Variants in SLC71A1 observed in about 807,000 individuals in gnomAD.
SLC71A1 encodes the protein hippocampus abundant gene transcript 1.
chr1:100,045,847 C>T, the SLC71A1 span, among the ~76,000 whole-genome samples: 1 of 151,928 alleles, frequency 6.6e-6, no homozygotes, highest in African/African-American at 2.4e-5. Flanking sequence ...TCTGTTCAGA[C>T]TAATGTCCTA....
the SLC71A1 span, among the ~76,000 whole-genome samples, chr1:100,053,957 T>G: frequency 6.6e-6 from 1 of 151,662 alleles, no homozygotes; most frequent in Admixed American, 6.5e-5. Flanking sequence ...TTATGTAACA[T>G]ATTAGCTAAG....
At chr1:100,056,380 C>T in the SLC71A1 span, among the ~76,000 whole-genome samples, 1 of 152,182 alleles carries the variant, frequency 6.6e-6, no homozygotes, top group African/African-American at 2.4e-5. Context: ...AATACATTTT[C>T]TTTATCCTTT....
At chr1:100,059,850 A>T in the SLC71A1 span, 3 of 1,577,164 alleles carry the variant, frequency 1.9e-6, no homozygotes, top group Non-Finnish European at 8.6e-7. Flanking sequence ...GATGTGTGGT[A>T]TTCATTTTTT....
At chr1:100,057,274 T>C in the SLC71A1 span, among the ~76,000 whole-genome samples, 551 of 152,178 alleles carry the variant, frequency 3.6e-3, 3 homozygotes, top group African/African-American at 0.013. Flanking sequence ...ATACTATTTT[T>C]ATAAATAAAA....
the SLC71A1 span, among the ~76,000 whole-genome samples, chr1:100,046,505 C>T: frequency 6.6e-6 from 1 of 152,086 alleles, no homozygotes; most frequent in Non-Finnish European, 1.5e-5. Context: ...GGATTACAGG[C>T]GTGAGTCACT....
the SLC71A1 span, chr1:100,059,801 T>A: frequency 3.8e-6 from 5 of 1,318,666 alleles, no homozygotes; most frequent in East Asian, 1.2e-4. Flanking sequence ...AAAATTTTTC[T>A]ATAGGAGTAA....
At chr1:100,066,875 G>C in the SLC71A1 span, among the ~76,000 whole-genome samples, 1 of 150,322 alleles carries the variant, frequency 6.7e-6, no homozygotes, top group African/African-American at 2.4e-5. Context: ...TGTAGTCCCA[G>C]CTATTCGGGA....
chr1:100,063,274 A>C, the SLC71A1 span, among the ~76,000 whole-genome samples: 1 of 134,134 alleles, frequency 7.5e-6, no homozygotes. Flanking sequence ...AAAAAACAAA[A>C]CAAAACAAAA....
chr1:100,058,107 T>G, the SLC71A1 span: 1 of 152,244 alleles, frequency 6.6e-6, no homozygotes, highest in African/African-American at 2.4e-5. Flanking sequence ...ACCACATGAT[T>G]TGAGAACAAG....
the SLC71A1 span, among the ~76,000 whole-genome samples, chr1:100,074,004 T>C: frequency 2.6e-5 from 4 of 152,324 alleles, no homozygotes; most frequent in African/African-American, 4.8e-5. Flanking sequence ...TAAACACTTA[T>C]TAAGAACTTA....
chr1:100,047,386 C>G, the SLC71A1 span, among the ~76,000 whole-genome samples: 309 of 152,232 alleles, frequency 2.0e-3, 1 homozygote, highest in African/African-American at 7.2e-3. Context: ...CCTTTCATAC[C>G]TGGATGAATC....
At chr1:100,059,729 A>G in the SLC71A1 span, 7 of 594,554 alleles carry the variant, frequency 1.2e-5, no homozygotes, top group Middle Eastern at 2.0e-3. Context: ...AAATTTATAT[A>G]TAGATAAGCA....
the SLC71A1 span, among the ~76,000 whole-genome samples, chr1:100,070,007 G>A: frequency 0.044 from 6,744 of 152,200 alleles, 176 homozygotes; most frequent in African/African-American, 0.061. Flanking sequence ...AATACCTACC[G>A]TGTGTCAGGC....
At chr1:100,038,426 C>T in the SLC71A1 span, 26 of 897,480 alleles carry the variant, frequency 2.9e-5, no homozygotes, top group Middle Eastern at 2.4e-4. Flanking sequence ...TCCCTTCCCC[C>T]ACCCTGTCCG....
chr1:100,060,039 T>C, the SLC71A1 span: 6 of 1,554,962 alleles, frequency 3.9e-6, no homozygotes, highest in Middle Eastern at 1.7e-4. Flanking sequence ...CAACTAAATA[T>C]CACTTTCAGC....
chr1:100,063,630 T>C, the SLC71A1 span, among the ~76,000 whole-genome samples: 21 of 152,238 alleles, frequency 1.4e-4, no homozygotes, highest in African/African-American at 5.1e-4. Flanking sequence ...ACCCCATCTA[T>C]ACAGGAACTT....
At chr1:100,049,910 C>A in the SLC71A1 span, 1 of 1,562,988 alleles carries the variant, frequency 6.4e-7, no homozygotes, top group Non-Finnish European at 8.7e-7. Context: ...TTTTTATAGC[C>A]TCAAGGAATA....
At chr1:100,038,799 C>T in the SLC71A1 span, among the ~76,000 whole-genome samples, 41 of 152,220 alleles carry the variant, frequency 2.7e-4, no homozygotes, top group Non-Finnish European at 4.3e-4. Flanking sequence ...CGCTGCGGCC[C>T]CGTAGTACGT....
the SLC71A1 span, among the ~76,000 whole-genome samples, chr1:100,054,988 G>A: frequency 6.6e-6 from 1 of 152,182 alleles, no homozygotes; most frequent in Non-Finnish European, 1.5e-5. Context: ...AAATTGAAAG[G>A]ATGCCGTGTA....
Sources: gnomAD v4.1 joint callset for allele counts (sites outside exome capture counted in the v4.1 genomes callset) on GRCh38, gnomAD v4.1.1 for gene constraint, MANE v1.5 for transcripts, NCBI Gene and HGNC (gene_info 2026-07-23, HGNC 2026-07-21) for gene names.